Variants in PTPRT observed in about 807,000 individuals in gnomAD.
PTPRT encodes receptor-type tyrosine-protein phosphatase T.
Under a neutral mutation model 176.8 loss-of-function variants are expected in PTPRT, and 56 were observed. The observed-to-expected ratio is 0.32, with a 90% CI of 0.26 to 0.40. The LOEUF (loss-of-function observed/expected upper bound fraction) is 0.40, where lower values mean the gene tolerates loss of function less well. PTPRT is among the 10% of genes least tolerant of loss of function. The pLI is 1.00. For missense variants in PTPRT, 1,540 were observed against 1,908.2 expected (o/e 0.81, Z 3.60); for synonymous variants, 783 against 739.0 (o/e 1.06, Z -0.96).
chr20:43,185,307 A>C (rs1021712132), intron 1 of PTPRT, among the ~76,000 whole-genome samples: 1 of 152,200 alleles, frequency 6.6e-6, no homozygotes, highest in African/African-American at 2.4e-5. Flanking sequence ...AAGTGCACAA[A>C]GTATCTTTTT....
At chr20:42,943,373 C>T (rs575162919) in intron 1 of PTPRT, among the ~76,000 whole-genome samples, 2 of 152,198 alleles carry the variant, frequency 1.3e-5, no homozygotes, top group Admixed American at 1.3e-4. Context: ...GATACGCACG[C>T]AGAGCCTTCG....
In PTPRT at chr20:42,179,006, T is replaced by C. The variant is rs537003832; in HGVS notation, c.2492-17464A>G. Among the ~76,000 whole-genome samples the C allele has an allele frequency of 1.2e-4, 18 of 152,308 alleles. No individual in the cohort carries two copies. The South Asian group carries it at 3.7e-3, about 32-fold the overall frequency. On this transcript the variant is annotated intron_variant, in intron 16 of 30. Coordinates refer to ENST00000373187, the MANE Select transcript of PTPRT (RefSeq NM_007050.6). The stretch of plus-strand genomic sequence containing the variant: ...TCATCACTTTATCATATCCTATTCA[T>C]TGGAAGCCAGTCACTAGATCTTGGC...
At chr20:42,757,433 T>C (rs2076850911) in intron 5 of PTPRT, among the ~76,000 whole-genome samples, 1 of 152,048 alleles carries the variant, frequency 6.6e-6, no homozygotes, top group African/African-American at 2.4e-5. Flanking sequence ...TCACCACAGG[T>C]AGGGAGGGGA....
At chr20:42,876,922 T>C (rs1049023215) in intron 2 of PTPRT, among the ~76,000 whole-genome samples, 4 of 152,054 alleles carry the variant, frequency 2.6e-5, no homozygotes, top group African/African-American at 9.7e-5. Context: ...GAGGGCCTCC[T>C]GGAGGAGGTG....
chr20:42,974,876 G>C (rs75317082), intron 1 of PTPRT, among the ~76,000 whole-genome samples: 1,739 of 152,238 alleles, frequency 0.011, 29 homozygotes, highest in African/African-American at 0.04. Flanking sequence ...TTCCAAATCA[G>C]AAATGTACCA....
intron 12 of PTPRT, among the ~76,000 whole-genome samples, chr20:42,313,655 C>T (rs2057670378): frequency 6.6e-6 from 1 of 152,142 alleles, no homozygotes; most frequent in East Asian, 1.9e-4. Flanking sequence ...AAAGCCACAC[C>T]TTCTTAGAGG....
At chr20:42,895,579 C>T (rs1290190219) in intron 1 of PTPRT, among the ~76,000 whole-genome samples, 3 of 152,164 alleles carry the variant, frequency 2.0e-5, no homozygotes, top group African/African-American at 7.2e-5. Context: ...TAGAATCCCA[C>T]CCATCACAGG....
rs904127214 is a variant in PTPRT, at chr20:42,394,650, A to G, written c.1561-42365T>C. Among the ~76,000 whole-genome samples the G allele has an allele frequency of 2.6e-5, 4 of 152,318 alleles. No homozygotes were observed. The South Asian group carries it at 6.2e-4, about 24-fold the overall frequency. ...TGATGTGACACATTTTCCATATGGT[A>G]TAAGTCATTTTGAGTTGGCTTTGTT... On this transcript the variant is annotated intron_variant, in intron 9 of 30. Transcript: ENST00000373187.
intron 11 of PTPRT, among the ~76,000 whole-genome samples, chr20:42,340,109 A>C (rs2058091473): frequency 6.6e-6 from 1 of 152,188 alleles, no homozygotes; most frequent in Admixed American, 6.5e-5. Context: ...GTCAGCCACT[A>C]GCTACTTGTG....
At chr20:42,089,314 T>C (rs1365228172) in intron 27 of PTPRT, among the ~76,000 whole-genome samples, 1 of 152,146 alleles carries the variant, frequency 6.6e-6, no homozygotes. Context: ...AAACCAGAAT[T>C]AATCAGAACT....
At chr20:42,664,180 T>C (rs79825219) in intron 7 of PTPRT, among the ~76,000 whole-genome samples, 4,520 of 152,338 alleles carry the variant, frequency 0.03, 242 homozygotes, top group African/African-American at 0.1. Context: ...TTGCTATTCA[T>C]ATTTTGTTTA....
intron 15 of PTPRT, among the ~76,000 whole-genome samples, chr20:42,202,600 T>G (rs983454117): frequency 3.9e-5 from 6 of 152,126 alleles, no homozygotes; most frequent in African/African-American, 1.2e-4. Context: ...CAAAAAGGAG[T>G]GTGTTTAAAA....
At chr20:42,240,593 C>T (rs553240866) in intron 14 of PTPRT, among the ~76,000 whole-genome samples, 6 of 152,284 alleles carry the variant, frequency 3.9e-5, no homozygotes, top group East Asian at 3.9e-4. Context: ...GTCTATCTAA[C>T]GACCCATTTA....
At position 42,074,941 on chromosome 20, in the gene PTPRT, A is replaced by G. The variant is rs886673584; in HGVS notation, c.*5938T>C. The G allele has an allele frequency of 6.8e-5, 27 of 397,460 alleles. No homozygotes were observed. In the Admixed American group the frequency reaches 8.4e-4, roughly 12 times the overall value. The allele number at this position is 397,460 out of a possible 1,614,324, so 24.6% of individuals were successfully genotyped here. On this transcript the variant is annotated 3_prime_UTR_variant, in exon 31 of 31. Coordinates refer to ENST00000373187, the MANE Select transcript of PTPRT (RefSeq NM_007050.6). ...CTTAGATATCTCTGCTGTGCTTCGG[A>G]GGATCAGATCCATGATCCTGAAAAA... is the stretch of plus-strand genomic sequence containing the variant.
rs1184955509 is a variant in PTPRT, at chr20:42,907,746, T to C, written c.89-21814A>G. Among the ~76,000 whole-genome samples the C allele has an allele frequency of 5.3e-5, 8 of 151,514 alleles. No individual in the cohort carries two copies. The East Asian group carries it at 1.5e-3, about 29-fold the overall frequency. On this transcript the variant is annotated intron_variant, in intron 1 of 30. Transcript: ENST00000373187. ...AGTCATTAGTTTGTTATTGTCCTTG[T>C]TTCCCATCTAATTCAGATCTCTCAG...
At chr20:43,107,879 A>G (rs1470242166) in intron 1 of PTPRT, among the ~76,000 whole-genome samples, 1 of 152,256 alleles carries the variant, frequency 6.6e-6, no homozygotes, top group Non-Finnish European at 1.5e-5. Context: ...TACCTTTAAA[A>G]TGTCAGAGAT....
intron 19 of PTPRT, among the ~76,000 whole-genome samples, chr20:42,126,124 C>T (rs746633283): frequency 1.3e-5 from 2 of 152,098 alleles, no homozygotes; most frequent in South Asian, 2.1e-4. Flanking sequence ...TGGCCTGAGA[C>T]GTATTTGTGA....
chr20:42,981,931 C>T (rs1160787174), intron 1 of PTPRT, among the ~76,000 whole-genome samples: 1 of 152,094 alleles, frequency 6.6e-6, no homozygotes, highest in Non-Finnish European at 1.5e-5. Flanking sequence ...TGGCAATGGT[C>T]TCTTTATGGG....
At chr20:42,953,911 C>T (rs1184124262) in intron 1 of PTPRT, among the ~76,000 whole-genome samples, 1 of 152,092 alleles carries the variant, frequency 6.6e-6, no homozygotes, top group Non-Finnish European at 1.5e-5. Context: ...TCGTGACAAG[C>T]AAAAATATCC....
Sources: allele counts gnomAD v4.1 joint callset (sites outside exome capture counted in the v4.1 genomes callset), GRCh38; gene constraint gnomAD v4.1.1; transcripts MANE v1.5; gene names NCBI Gene and HGNC (gene_info 2026-07-23, HGNC 2026-07-21).